Variants in SKAP1 observed in about 807,000 individuals in gnomAD.
SKAP1 encodes src kinase-associated phosphoprotein 1.
SKAP1 carries 44 observed loss-of-function variants against 58.5 expected under a neutral mutation model. The observed-to-expected ratio is 0.75, with a 90% CI of 0.59 to 0.97. SKAP1 has a LOEUF of 0.97. SKAP1 is among the 50% of genes least tolerant of loss of function. SKAP1 has a pLI of 0.00. For synonymous variants in SKAP1, 127 were observed against 149.7 expected, an observed-to-expected ratio of 0.85 and a Z score of 1.11; for missense variants, 390 against 435.2, an observed-to-expected ratio of 0.90 and a Z score of 0.92.
intron 4 of SKAP1, among the ~76,000 whole-genome samples, chr17:48,195,292 G>T (rs748120453): frequency 6.6e-6 from 1 of 152,118 alleles, no homozygotes; most frequent in Non-Finnish European, 1.5e-5. Context: ...GTGTCTGGCA[G>T]GAAGTGTCAT....
intron 11 of SKAP1, among the ~76,000 whole-genome samples, chr17:48,140,827 G>A (rs1479346234): frequency 1.3e-5 from 2 of 148,434 alleles, no homozygotes; most frequent in Non-Finnish European, 3.0e-5. Context: ...TACCCAGGCT[G>A]CAGTGCAGTG....
chr17:48,258,030 G>C (rs2065445509), intron 4 of SKAP1, among the ~76,000 whole-genome samples: 2 of 152,014 alleles, frequency 1.3e-5, no homozygotes, highest in South Asian at 4.1e-4. Flanking sequence ...CTTGCACCAA[G>C]TTCCAGCAAA....
At position 48,294,053 on chromosome 17, in the gene SKAP1, G is replaced by A. The variant is rs943094258; in HGVS notation, c.280+51852C>T. On this transcript the variant is annotated intron_variant, in intron 4 of 12. Transcript: ENST00000336915. The stretch of plus-strand genomic sequence containing the variant: ...TGTGTTCCAGGCTGCCTGGATTGTG[G>A]GGATGTATTCACCTTCTGGTAACTC... Among the ~76,000 whole-genome samples the A allele has an allele frequency of 2.2e-4, 33 of 152,112 alleles. 1 individual carries two copies. The highest frequency in any genetic ancestry group is 1.5e-5 in the Non-Finnish European group (1 of 68,012).
At chr17:48,359,218 G>T (rs1359293553) in intron 3 of SKAP1, among the ~76,000 whole-genome samples, 2 of 152,054 alleles carry the variant, frequency 1.3e-5, no homozygotes, top group Non-Finnish European at 2.9e-5. Flanking sequence ...GCTTCAACAA[G>T]TGTCAACTTA....
upstream of SKAP1, among the ~76,000 whole-genome samples, chr17:48,431,403 A>T (rs997486878): frequency 5.9e-5 from 9 of 152,258 alleles, no homozygotes; most frequent in African/African-American, 2.2e-4. Context: ...AAAACACACC[A>T]GACTTTGAAG....
rs1050949754 is a variant in SKAP1, at chr17:48,238,166, G to A, written c.281-48666C>T. Among the ~76,000 whole-genome samples, 5 of 151,772 alleles carry A rather than the reference G, an allele frequency of 3.3e-5. No homozygotes were observed. In the East Asian group the frequency reaches 9.7e-4, roughly 29 times the overall value. ...ATGCCACCACATCCGGCTGATTTTT[G>A]TATTTTTAGTAGAGACATGGTTTCA... On this transcript the variant is annotated intron_variant, in intron 4 of 12. Coordinates refer to ENST00000336915, the MANE Select transcript of SKAP1 (RefSeq NM_003726.4).
chr17:48,409,494 G>T (rs1395621293), intron 1 of SKAP1, among the ~76,000 whole-genome samples: 2 of 151,990 alleles, frequency 1.3e-5, no homozygotes, highest in Non-Finnish European at 2.9e-5. Context: ...GTGAAACCCT[G>T]TCTCTACCAA....
chr17:48,404,214 T>A (rs2067539961), intron 1 of SKAP1, among the ~76,000 whole-genome samples: 2 of 151,286 alleles, frequency 1.3e-5, no homozygotes, highest in Non-Finnish European at 3.0e-5. Flanking sequence ...GCACTTTGGG[T>A]GGCCGAGGCG....
intron 4 of SKAP1, among the ~76,000 whole-genome samples, chr17:48,337,162 C>T (rs773631772): frequency 4.6e-5 from 7 of 152,000 alleles, no homozygotes; most frequent in Non-Finnish European, 7.4e-5. Flanking sequence ...CCAGTGTATC[C>T]GGATTTAAGC....
intron 4 of SKAP1, among the ~76,000 whole-genome samples, chr17:48,259,298 T>C (rs2065460807): frequency 6.6e-6 from 1 of 152,154 alleles, no homozygotes; most frequent in African/African-American, 2.4e-5. Flanking sequence ...AAAATTCTCA[T>C]ATCTATTATT....
intron 4 of SKAP1, among the ~76,000 whole-genome samples, chr17:48,281,513 G>A (rs2065767226): frequency 6.6e-6 from 1 of 152,326 alleles, no homozygotes; most frequent in Non-Finnish European, 1.5e-5. Flanking sequence ...CAGAGGCAGC[G>A]TGCTTTCAAA....
chr17:48,189,727 T>C (rs1234075495), intron 4 of SKAP1, among the ~76,000 whole-genome samples: 1 of 151,528 alleles, frequency 6.6e-6, no homozygotes, highest in East Asian at 1.9e-4. Flanking sequence ...GGCTGGAGTA[T>C]ACAATGGCGC....
intron 9 of SKAP1, among the ~76,000 whole-genome samples, chr17:48,173,959 T>C (rs114762736): frequency 6.6e-6 from 1 of 152,196 alleles, no homozygotes; most frequent in Non-Finnish European, 1.5e-5. Flanking sequence ...TTTGCATTTG[T>C]AAAATAGGAG....
chr17:48,439,521 G>A, the SKAP1 span, among the ~76,000 whole-genome samples: 1 of 152,210 alleles, frequency 6.6e-6, no homozygotes, highest in Non-Finnish European at 1.5e-5. Context: ...GTCAGCACTT[G>A]TGTTCTTTTC....
At chr17:48,332,718 C>T (rs1164122159) in intron 4 of SKAP1, among the ~76,000 whole-genome samples, 5 of 151,902 alleles carry the variant, frequency 3.3e-5, no homozygotes, top group African/African-American at 9.7e-5. Flanking sequence ...CATTTATGAG[C>T]GCTGAAAGAA....
intron 2 of SKAP1, among the ~76,000 whole-genome samples, chr17:48,392,862 A>AATAT (rs60586781): frequency 4.1e-5 from 6 of 147,190 alleles, no homozygotes; most frequent in South Asian, 2.2e-4. Context: ...TCTCAAAAAA[A>AATAT]ATATATATAT....
intron 4 of SKAP1, among the ~76,000 whole-genome samples, chr17:48,266,780 G>T (rs1385992765): frequency 6.6e-6 from 1 of 151,912 alleles, no homozygotes; most frequent in African/African-American, 2.4e-5. Flanking sequence ...AAAGTGCTGG[G>T]ATTACAGGCA....
At chr17:48,378,763 T>A (rs1328316490) in intron 2 of SKAP1, among the ~76,000 whole-genome samples, 1 of 152,146 alleles carries the variant, frequency 6.6e-6, no homozygotes, top group Non-Finnish European at 1.5e-5. Flanking sequence ...TCTTCTTGTC[T>A]CTCTGTCACT....
At chr17:48,173,254 G>A (rs2064241442) in intron 9 of SKAP1, among the ~76,000 whole-genome samples, 1 of 151,910 alleles carries the variant, frequency 6.6e-6, no homozygotes, top group Non-Finnish European at 1.5e-5. Flanking sequence ...ATATAGTATG[G>A]GAAAAGGAGC....
Sources: gnomAD v4.1 joint callset for allele counts (sites outside exome capture counted in the v4.1 genomes callset) on GRCh38, gnomAD v4.1.1 for gene constraint, MANE v1.5 for transcripts, NCBI Gene and HGNC (gene_info 2026-07-23, HGNC 2026-07-21) for gene names.